Variants in ASIC2 observed in about 807,000 individuals in gnomAD.
ASIC2 encodes acid-sensing ion channel 2.
Under a neutral mutation model 57.3 loss-of-function variants are expected in ASIC2, and 25 were observed. The observed-to-expected ratio is 0.44, with a 90% confidence interval of 0.32 to 0.61. The LOEUF (loss-of-function observed/expected upper bound fraction) is 0.61, where lower values mean the gene tolerates loss of function less well. Ranked by LOEUF, ASIC2 falls within the 20% of genes least tolerant of loss-of-function variation. ASIC2 has a pLI of 0.06. For synonymous variants in ASIC2, 319 were observed against 307.5 expected (o/e 1.04, Z -0.39); for missense variants, 641 against 738.1 (o/e 0.87, Z 1.52).
intron 1 of ASIC2, among the ~76,000 whole-genome samples, chr17:33,132,829 C>T (rs567778999): frequency 3.9e-4 from 60 of 152,286 alleles, no homozygotes; most frequent in Non-Finnish European, 8.4e-4. Context: ...TCCTGCTTTT[C>T]TATGTGCATG....
At chr17:34,012,436 G>A (rs947539844) in intron 1 of ASIC2, among the ~76,000 whole-genome samples, 5 of 152,078 alleles carry the variant, frequency 3.3e-5, no homozygotes, top group African/African-American at 7.3e-5. Flanking sequence ...ATTTTCATGC[G>A]GTTGCACATC....
intron 1 of ASIC2, among the ~76,000 whole-genome samples, chr17:33,324,219 C>A (rs8081861): frequency 0.02 from 3,044 of 151,850 alleles, 101 homozygotes; most frequent in African/African-American, 0.07. Context: ...TCAGAGAAGA[C>A]CTCTTCTCAT....
chr17:33,764,147 A>G (rs1910864787), intron 1 of ASIC2, among the ~76,000 whole-genome samples: 1 of 152,012 alleles, frequency 6.6e-6, no homozygotes, highest in African/African-American at 2.4e-5. Flanking sequence ...AAAACAAAAC[A>G]AAACAACAAA....
intron 1 of ASIC2, among the ~76,000 whole-genome samples, chr17:33,289,301 G>A (rs1905321195): frequency 6.6e-6 from 1 of 152,200 alleles, no homozygotes; most frequent in African/African-American, 2.4e-5. Context: ...GGACCTTACT[G>A]TCTTCAACTC....
At chr17:34,012,643 C>T (rs9899594) in intron 1 of ASIC2, among the ~76,000 whole-genome samples, 96,404 of 151,986 alleles carry the variant, frequency 0.63, 32,384 homozygotes, top group African/African-American at 0.88. Flanking sequence ...GTATAACCCT[C>T]ATGCGGCCCA....
intron 1 of ASIC2, among the ~76,000 whole-genome samples, chr17:33,937,394 C>T (rs969991518): frequency 6.6e-5 from 10 of 151,728 alleles, no homozygotes; most frequent in African/African-American, 2.2e-4. Flanking sequence ...CCAGCATGCC[C>T]GGCTGAAAAT....
intron 1 of ASIC2, among the ~76,000 whole-genome samples, chr17:34,090,168 G>T: frequency 6.6e-6 from 1 of 152,184 alleles, no homozygotes; most frequent in East Asian, 1.9e-4. Flanking sequence ...AGGGGGATGT[G>T]GTTTCTCTTT....
intron 1 of ASIC2, among the ~76,000 whole-genome samples, chr17:33,642,260 A>C (rs1410536136): frequency 6.9e-6 from 1 of 145,776 alleles, no homozygotes; most frequent in Non-Finnish European, 1.5e-5. Flanking sequence ...GTCTCAATAC[A>C]GTGAAACTTG....
intron 1 of ASIC2, among the ~76,000 whole-genome samples, chr17:34,067,389 T>C (rs1050092744): frequency 8.5e-5 from 13 of 152,180 alleles, no homozygotes; most frequent in Admixed American, 3.9e-4. Flanking sequence ...TTTTTAAAAA[T>C]GGAATTTTTT....
intron 1 of ASIC2, among the ~76,000 whole-genome samples, chr17:33,449,483 C>T (rs956593030): frequency 3.3e-5 from 5 of 152,146 alleles, no homozygotes; most frequent in African/African-American, 1.2e-4. Flanking sequence ...GGCCCAGGTG[C>T]CTCAAGGGAC....
chr17:33,925,322 T>C (rs1915801580), intron 1 of ASIC2, among the ~76,000 whole-genome samples: 1 of 152,242 alleles, frequency 6.6e-6, no homozygotes, highest in Admixed American at 6.5e-5. Context: ...TGCATGACAC[T>C]TCTCGTCCTC....
chr17:33,345,765 A>G (rs1006180213), intron 1 of ASIC2, among the ~76,000 whole-genome samples: 1 of 152,222 alleles, frequency 6.6e-6, no homozygotes, highest in Non-Finnish European at 1.5e-5. Flanking sequence ...GTAGGTTTAA[A>G]TGGGAGTGAT....
At chr17:33,194,583 G>T (rs1181527650) in intron 1 of ASIC2, among the ~76,000 whole-genome samples, 1 of 152,136 alleles carries the variant, frequency 6.6e-6, no homozygotes, top group African/African-American at 2.4e-5. Flanking sequence ...TGGATTTGCA[G>T]CACTGGAATG....
intron 1 of ASIC2, among the ~76,000 whole-genome samples, chr17:33,251,330 T>C (rs990583730): frequency 2.6e-5 from 4 of 152,134 alleles, no homozygotes; most frequent in African/African-American, 4.8e-5. Flanking sequence ...TACCATCTTA[T>C]CTTATTTATT....
intron 1 of ASIC2, among the ~76,000 whole-genome samples, chr17:33,376,914 G>A (rs542983814): frequency 3.9e-5 from 6 of 152,180 alleles, no homozygotes; most frequent in East Asian, 1.9e-4. Flanking sequence ...CAATCACCCC[G>A]GAGAGAGATT....
chr17:34,085,138 C>T (rs566801867), intron 1 of ASIC2, among the ~76,000 whole-genome samples: 2 of 152,126 alleles, frequency 1.3e-5, no homozygotes, highest in Non-Finnish European at 2.9e-5. Context: ...GGAATGCTTC[C>T]AGTTTTTGCC....
At chr17:33,157,695 C>T (rs993615765) in intron 1 of ASIC2, among the ~76,000 whole-genome samples, 8 of 152,308 alleles carry the variant, frequency 5.3e-5, no homozygotes, top group South Asian at 4.1e-4. Flanking sequence ...GTCTGAGCAC[C>T]TCCATATCTC....
intron 1 of ASIC2, among the ~76,000 whole-genome samples, chr17:33,864,678 T>C (rs1914186402): frequency 1.3e-5 from 2 of 151,962 alleles, no homozygotes; most frequent in Non-Finnish European, 2.9e-5. Flanking sequence ...CTGTGTGGAG[T>C]CAGCAGGGTG....
chr17:34,101,109 T>C (rs973622713), intron 1 of ASIC2, among the ~76,000 whole-genome samples: 1 of 152,220 alleles, frequency 6.6e-6, no homozygotes, highest in African/African-American at 2.4e-5. Flanking sequence ...TTACTACTTA[T>C]TAAAACCATC....
Sources: gnomAD v4.1 joint callset for allele counts (sites outside exome capture counted in the v4.1 genomes callset) on GRCh38, gnomAD v4.1.1 for gene constraint, MANE v1.5 for transcripts, NCBI Gene and HGNC (gene_info 2026-07-23, HGNC 2026-07-21) for gene names.